The following CCDC186 variants were observed in gnomAD, a reference collection of about 807,000 sequenced individuals.
CCDC186 encodes the protein coiled-coil domain containing 186.
Under a neutral mutation model 113.7 loss-of-function variants are expected in CCDC186, and 49 were observed. The observed-to-expected ratio is 0.43, with a 90% CI of 0.34 to 0.55. The LOEUF (loss-of-function observed/expected upper bound fraction) is 0.55, where lower values mean the gene tolerates loss of function less well. Ranked by LOEUF, CCDC186 falls within the 20% of genes least tolerant of loss-of-function variation. The pLI, the probability that CCDC186 is intolerant of heterozygous loss-of-function variation, is 0.02. For synonymous variants in CCDC186, 355 were observed against 345.8 expected, an observed-to-expected ratio of 1.03 and a Z score of -0.30; for missense variants, 890 against 1,011.1, an observed-to-expected ratio of 0.88 and a Z score of 1.62.
intron 1 of CCDC186, among the ~76,000 whole-genome samples, chr10:114,166,612 A>G (rs2032342274): frequency 6.6e-6 from 1 of 152,242 alleles, no homozygotes; most frequent in Non-Finnish European, 1.5e-5. Context: ...TATGACAGTA[A>G]TAATAAATCT....
chr10:114,140,998 C>G (rs2031450091), intron 6 of CCDC186, among the ~76,000 whole-genome samples: 1 of 151,724 alleles, frequency 6.6e-6, no homozygotes, highest in South Asian at 2.1e-4. Context: ...TCAAGTGATC[C>G]TCCCATCTCA....
Position 114,132,029 on chromosome 10 carries a change from G to T in CCDC186, c.1811C>A (p.Ser604Tyr). ...TTGTGACTGCAAAGAATTGGATTCA[G>T]ACTGAAGCTGTGCATTCTTACTAGT... Reference protein sequence around the residue: ...RLTSKNAQLQSESNSLQSQFD... With the variant: ...RLTSKNAQLQYESNSLQSQFD... The change falls in exon 11 of 16, where the codon TCT (serine) becomes TAT (tyrosine). Residue 604 changes from serine to tyrosine, a missense_variant. Coordinates refer to ENST00000369287, the MANE Select transcript of CCDC186 (RefSeq NM_018017.4). 1 of 1,613,386 alleles carries T rather than the reference G, an allele frequency of 6.2e-7. No homozygotes were observed. The highest frequency in any genetic ancestry group is 8.5e-7 in the Non-Finnish European group (1 of 1,179,730).
At chr10:114,125,552 AAAAAT>A (rs2030871297) in intron 15 of CCDC186, among the ~76,000 whole-genome samples, 1 of 152,248 alleles carries the variant, frequency 6.6e-6, no homozygotes, top group African/African-American at 2.4e-5. Flanking sequence ...ATTAACTGCA[AAAAAT>A]AAAATAAAGC....
In CCDC186 at chr10:114,134,905, T is replaced by C. The variant is rs771241254; in HGVS notation, c.1655+8A>G. On this transcript the variant is annotated splice_region_variant and intron_variant, in intron 10 of 15. Coordinates refer to ENST00000369287, the MANE Select transcript of CCDC186 (RefSeq NM_018017.4). ...TATTAATACAAACAGAAGTTGCTCA[T>C]TTTGTACCTTTGAAGCTGCTCCTGT... is the stretch of plus-strand genomic sequence containing the variant. 6.2e-7 allele frequency: 1 copy of C among 1,603,240 alleles called. No homozygotes were observed. The highest frequency in any genetic ancestry group is 1.3e-5 in the African/African-American group (1 of 74,436).
intron 4 of CCDC186, among the ~76,000 whole-genome samples, chr10:114,147,373 G>C (rs1311010957): frequency 1.3e-5 from 2 of 152,112 alleles, no homozygotes; most frequent in Non-Finnish European, 2.9e-5. Context: ...GGAGGAGTTG[G>C]CAGGAAGGGT....
chr10:114,144,444 C>T, intron 6 of CCDC186, 53 bp downstream of exon 6: 1 of 1,540,188 alleles, frequency 6.5e-7, no homozygotes, highest in Non-Finnish European at 8.7e-7. Context: ...AAAACAAAAA[C>T]AAAAACAAAA....
rs1040707148 is a variant in CCDC186 at position 114,144,409 on chromosome 10, G to A, written c.1221+88C>T. ...AAAACTCATTCTAATCTGAAAGAGC[G>A]AGACTCCGTCTCAAAAAAAAAACAA... On this transcript the variant is annotated intron_variant, in intron 6 of 15. Transcript: ENST00000369287. 8.2e-6 allele frequency: 12 copies of A among 1,464,752 alleles called. No homozygotes were observed. In the Admixed American group the frequency reaches 1.1e-4, roughly 14 times the overall value. The allele number at this position is 1,464,752 out of a possible 1,614,324, so 90.7% of individuals were successfully genotyped here.
chr10:114,150,046 T>G (rs11591855), intron 4 of CCDC186, among the ~76,000 whole-genome samples: 12,195 of 152,202 alleles, frequency 0.08, 574 homozygotes, highest in Middle Eastern at 0.14. Flanking sequence ...AGTCAGCATG[T>G]TTTAAAGAAT....
Position 114,164,065 on chromosome 10 carries a change from A to AGTGTGTGTGTGTGTGT in CCDC186, c.-61-752_-61-737dup, listed in dbSNP as rs747232906. Among the ~76,000 whole-genome samples the AGTGTGTGTGTGTGTGT allele has an allele frequency of 2.2e-3, 231 of 107,016 alleles. 2 individuals carry two copies. The highest frequency in any genetic ancestry group is 5.3e-3 in the Middle Eastern group (1 of 188). 70.2% of individuals were successfully genotyped at this position (107,016 alleles called of 152,430 possible). On this transcript the variant is annotated intron_variant, in intron 1 of 15. Transcript: ENST00000369287. ...AACTTTATTAATTTGACCAAGTTAG[A>AGTGTGTGTGTGTGTGT]GTGTGTGTGTGTGTGTGTGTGTGTG...
intron 3 of CCDC186, among the ~76,000 whole-genome samples, chr10:114,152,258 C>T (rs2031878514): frequency 6.6e-6 from 1 of 151,538 alleles, no homozygotes; most frequent in Admixed American, 6.6e-5. Flanking sequence ...AGGAAGATTG[C>T]TAGAGCCAAG....
intron 3 of CCDC186, among the ~76,000 whole-genome samples, chr10:114,157,353 T>C (rs1235580291): frequency 6.6e-6 from 1 of 150,424 alleles, no homozygotes; most frequent in Admixed American, 6.7e-5. Context: ...GCAGCTAATT[T>C]TCTATTTTTT....
At chr10:114,168,664 T>A (rs2032403601) in intron 1 of CCDC186, among the ~76,000 whole-genome samples, 1 of 152,008 alleles carries the variant, frequency 6.6e-6, no homozygotes, top group Non-Finnish European at 1.5e-5. Flanking sequence ...CATTCCCCAT[T>A]CCCTAGCCCC....
Position 114,135,016 on chromosome 10 carries a change from C to G in CCDC186, c.1552G>C (p.Glu518Gln), listed in dbSNP as rs758001809. 6.2e-7 allele frequency: 1 copy of G among 1,611,036 alleles called. No homozygotes were observed. Among genetic ancestry groups the G allele is most frequent in the East Asian group, 2.2e-5 (1 of 44,712 alleles). Reference sequence around the variant, plus strand: ...ATAATTTCCTTATATTTTGATAATTCATCTTCTGTTCTTAATCGTTCATCT... The same window carrying G: ...ATAATTTCCTTATATTTTGATAATTGATCTTCTGTTCTTAATCGTTCATCT... The part of the protein sequence containing the change: ...LEDERLRTED[E>Q]LSKYKEIINR... The change falls in exon 10 of 16, where the codon GAA becomes CAA. Residue 518 changes from glutamate (E) to glutamine (Q), a missense_variant. Glu to Gln is a conservative substitution (Grantham distance 29). Coordinates refer to ENST00000369287, the MANE Select transcript of CCDC186 (RefSeq NM_018017.4).
chr10:114,127,595 A>AT lies in CCDC186; in HGVS notation c.2258_2259insA (p.Phe753LeufsTer6). 6.2e-7 allele frequency: 1 copy of AT among 1,614,012 alleles called. No homozygotes were observed. ...TCAACATGGCCTTATCTACTTGTGG[A>AT]AAGTTATCCACAGCTACTGAGGACC... On this transcript the variant is annotated frameshift_variant, in exon 14 of 16. Transcript: ENST00000369287. LOFTEE classifies it high-confidence loss of function.
At chr10:114,128,686 A>C (rs1417374280) in intron 13 of CCDC186, among the ~76,000 whole-genome samples, 3 of 152,198 alleles carry the variant, frequency 2.0e-5, no homozygotes, top group Non-Finnish European at 4.4e-5. Flanking sequence ...GGTTCTTGGC[A>C]TTCCAAAAAA....
intron 4 of CCDC186, among the ~76,000 whole-genome samples, chr10:114,147,757 G>A (rs2031689139): frequency 1.3e-5 from 2 of 152,120 alleles, no homozygotes; most frequent in South Asian, 4.2e-4. Flanking sequence ...GTAGCAGCAT[G>A]GGAGCTTCAC....
At chr10:114,156,073 C>T (rs1250630479) in intron 3 of CCDC186, among the ~76,000 whole-genome samples, 1 of 152,168 alleles carries the variant, frequency 6.6e-6, no homozygotes, top group Admixed American at 6.5e-5. Flanking sequence ...CATTGAGTGA[C>T]CTGACTACCG....
intron 7 of CCDC186, 88 bp from the exon 8 acceptor site, chr10:114,136,334 C>T (rs2119722005): frequency 2.5e-6 from 2 of 806,074 alleles, no homozygotes; most frequent in South Asian, 3.1e-5. Context: ...CCTAATGTAG[C>T]ATCATATACA....
At chr10:114,158,013 T>C (rs2032060966) in intron 2 of CCDC186, among the ~76,000 whole-genome samples, 1 of 152,190 alleles carries the variant, frequency 6.6e-6, no homozygotes, top group Non-Finnish European at 1.5e-5. Flanking sequence ...TTCAAATAAG[T>C]GGTTCTCAGC....
Sources: allele counts gnomAD v4.1 joint callset (sites outside exome capture counted in the v4.1 genomes callset), GRCh38; gene constraint gnomAD v4.1.1; transcripts MANE v1.5; gene names NCBI Gene and HGNC (gene_info 2026-07-23, HGNC 2026-07-21).